The following LRGUK variants were observed in gnomAD, a reference collection of about 807,000 sequenced individuals.
LRGUK encodes the protein leucine-rich repeat and guanylate kinase domain-containing protein.
In LRGUK, 65 loss-of-function variants were observed where a neutral mutation model predicts 76.0. The observed-to-expected ratio is 0.85, with a 90% CI of 0.70 to 1.05. The LOEUF is 1.05. Among genes scored for constraint, LRGUK ranks in the 50% least tolerant of loss-of-function variants. The pLI, the probability that LRGUK is intolerant of heterozygous loss-of-function variation, is 0.00. For missense variants in LRGUK, 758 were observed against 732.8 expected, an observed-to-expected ratio of 1.03 and a Z score of -0.40; for synonymous variants, 268 against 265.6, an observed-to-expected ratio of 1.01 and a Z score of -0.09.
At chr7:134,162,091 T>C (rs1011299916) in intron 6 of LRGUK, among the ~76,000 whole-genome samples, 19 of 152,222 alleles carry the variant, frequency 1.2e-4, no homozygotes, top group Non-Finnish European at 2.5e-4. Context: ...GATGCTTTTG[T>C]GTGAATTATT....
intron 16 of LRGUK, among the ~76,000 whole-genome samples, chr7:134,242,550 G>A (rs1024553125): frequency 1.3e-5 from 2 of 152,062 alleles, no homozygotes; most frequent in Non-Finnish European, 2.9e-5. Flanking sequence ...CTGAAATTGC[G>A]GCAATAATTA....
chr7:134,242,417 A>G (rs7796892), intron 16 of LRGUK, among the ~76,000 whole-genome samples: 10,964 of 152,268 alleles, frequency 0.072, 966 homozygotes, highest in African/African-American at 0.2. Flanking sequence ...AGAGAATACT[A>G]TAAACACTTC....
chr7:134,191,702 T>C, exon 12 of LRGUK: 2 of 1,613,186 alleles, frequency 1.2e-6, no homozygotes, highest in Non-Finnish European at 1.7e-6. Flanking sequence ...GGGGATCGAG[T>C]TGATTATCAT....
At chr7:134,194,136 C>G (rs928277735) in intron 12 of LRGUK, among the ~76,000 whole-genome samples, 1 of 152,156 alleles carries the variant, frequency 6.6e-6, no homozygotes, top group Non-Finnish European at 1.5e-5. Flanking sequence ...CCATATGCAG[C>G]AAGAAACCAA....
At chr7:134,248,353 T>C (rs556124055) in intron 17 of LRGUK, among the ~76,000 whole-genome samples, 85 of 152,342 alleles carry the variant, frequency 5.6e-4, no homozygotes, top group African/African-American at 1.9e-3. Flanking sequence ...TTGCCTGCAT[T>C]TATATGCAAC....
At chr7:134,239,846 C>T (rs188940103) in intron 16 of LRGUK, among the ~76,000 whole-genome samples, 11 of 152,098 alleles carry the variant, frequency 7.2e-5, no homozygotes, top group East Asian at 1.9e-4. Flanking sequence ...CCCTCTGAGA[C>T]GAAGCTTCCA....
intron 7 of LRGUK, among the ~76,000 whole-genome samples, chr7:134,169,634 T>G (rs1799162605): frequency 1.3e-5 from 2 of 152,280 alleles, no homozygotes; most frequent in East Asian, 3.9e-4. Flanking sequence ...ATATTTAGTC[T>G]TTAATCCAAT....
At chr7:134,257,395 C>G (rs972066529) in intron 18 of LRGUK, among the ~76,000 whole-genome samples, 1 of 152,132 alleles carries the variant, frequency 6.6e-6, no homozygotes, top group African/African-American at 2.4e-5. Flanking sequence ...AGCTGCCTCC[C>G]TGGAAGGCAG....
chr7:134,242,874 C>G (rs1285871905), intron 16 of LRGUK, among the ~76,000 whole-genome samples: 1 of 152,150 alleles, frequency 6.6e-6, no homozygotes, highest in African/African-American at 2.4e-5. Flanking sequence ...TTGGCTTCAT[C>G]CCTGGGATGA....
Position 134,227,142 on chromosome 7 carries a change from G to C in LRGUK, c.1983+5224G>C, listed in dbSNP as rs536523308. Among the ~76,000 whole-genome samples the C allele has an allele frequency of 8.5e-5, 13 of 152,254 alleles. No individual in the cohort carries two copies. The East Asian group carries it at 2.5e-3, about 29-fold the overall frequency. On this transcript the variant is annotated intron_variant, in intron 16 of 19. Coordinates refer to the LRGUK transcript ENST00000285928. ...GAGGATGATCCTGAGAGGTGAACCTGGTACCAGAGGCCACTTATTCCTATG... is the reference window on the plus strand; with the variant it reads ...GAGGATGATCCTGAGAGGTGAACCTCGTACCAGAGGCCACTTATTCCTATG...
chr7:134,198,758 G>A (rs1032954644), intron 13 of LRGUK, among the ~76,000 whole-genome samples: 1 of 152,144 alleles, frequency 6.6e-6, no homozygotes, highest in Non-Finnish European at 1.5e-5. Context: ...CCCAACCAGG[G>A]TGCTGATTTA....
At chr7:134,187,271 A>T (rs180883382) in intron 11 of LRGUK, among the ~76,000 whole-genome samples, 1 of 152,288 alleles carries the variant, frequency 6.6e-6, no homozygotes, top group South Asian at 2.1e-4. Flanking sequence ...TTTATCCAAC[A>T]TAAGTTTTAT....
chr7:134,132,333 T>A (rs901620292), intron 1 of LRGUK, among the ~76,000 whole-genome samples: 1 of 151,872 alleles, frequency 6.6e-6, no homozygotes, highest in African/African-American at 2.4e-5. Flanking sequence ...CCAGCCTGAG[T>A]GACAGAGAAA....
chr7:134,207,583 C>G (rs1363449127), intron 15 of LRGUK, among the ~76,000 whole-genome samples: 2 of 152,148 alleles, frequency 1.3e-5, no homozygotes, highest in Admixed American at 1.3e-4. Context: ...GCAAAGGGTG[C>G]GTGTCCAGAC....
intron 14 of LRGUK, among the ~76,000 whole-genome samples, chr7:134,199,744 A>C (rs1800670842): frequency 6.6e-6 from 1 of 151,642 alleles, no homozygotes; most frequent in Non-Finnish European, 1.5e-5. Flanking sequence ...CTAGAAAGGC[A>C]TATGAAACTC....
chr7:134,218,122 C>T (rs1047401928), intron 15 of LRGUK, among the ~76,000 whole-genome samples: 3 of 152,052 alleles, frequency 2.0e-5, no homozygotes, highest in African/African-American at 7.2e-5. Context: ...CTACCATGCT[C>T]AGCTAATTTT....
chr7:134,200,647 C>G, intron 14 of LRGUK, among the ~76,000 whole-genome samples: 1 of 152,120 alleles, frequency 6.6e-6, no homozygotes, highest in Non-Finnish European at 1.5e-5. Context: ...TGATATTCAA[C>G]TATTTTGACC....
chr7:134,153,696 T>C (rs1798328125), intron 5 of LRGUK, among the ~76,000 whole-genome samples: 1 of 152,216 alleles, frequency 6.6e-6, no homozygotes, highest in Admixed American at 6.5e-5. Context: ...TTGCAATTCA[T>C]TGAGTAATTA....
chr7:134,199,374 A>T lies in LRGUK; in HGVS notation c.1700A>T (p.Lys567Ile), dbSNP rs369766136. The T allele has an allele frequency of 7.4e-6, 12 of 1,613,722 alleles. No homozygotes were observed. In the African/African-American group the frequency reaches 1.6e-4, roughly 22 times the overall value. The change falls in exon 14 of 16, where the codon AAA becomes ATA. Residue 567 changes from lysine (K) to isoleucine (I), a missense_variant. Lys to Ile is a moderately radical substitution (Grantham distance 102, BLOSUM62 -3). Transcript: ENST00000645682. Reference sequence around the variant, plus strand: ...GTCTCCAGAGTGGACCTTTATATTAAAATTAATCAGAATTTTCCGGGATAT... The same window carrying T: ...GTCTCCAGAGTGGACCTTTATATTATAATTAATCAGAATTTTCCGGGATAT...
Sources: gnomAD v4.1 joint callset for allele counts (sites outside exome capture counted in the v4.1 genomes callset) on GRCh38, gnomAD v4.1.1 for gene constraint, MANE v1.5 for transcripts, NCBI Gene and HGNC (gene_info 2026-07-23, HGNC 2026-07-21) for gene names.